The following ASTN1 variants were observed in gnomAD, a reference collection of about 807,000 sequenced individuals.
The protein encoded by ASTN1 is astrotactin-1.
A neutral mutation model predicts 140.7 loss-of-function variants in ASTN1; 41 were observed. The ratio of observed to expected loss-of-function variants is 0.29; its 90% CI spans 0.23 to 0.38. The LOEUF is 0.38. ASTN1 is among the 10% of genes least tolerant of loss of function. The pLI is 1.00. For missense variants in ASTN1, 1,479 were observed against 1,678.8 expected (o/e 0.88, Z 2.08); for synonymous variants, 640 against 652.2 (o/e 0.98, Z 0.29).
chr1:177,103,643 G>A (rs1160301516), intron 1 of ASTN1, among the ~76,000 whole-genome samples: 2 of 152,102 alleles, frequency 1.3e-5, no homozygotes, highest in Non-Finnish European at 2.9e-5. Flanking sequence ...ACATGACTGG[G>A]TGACTCTCTT....
At chr1:176,901,468 G>A (rs928553607) in intron 16 of ASTN1, among the ~76,000 whole-genome samples, 1 of 152,214 alleles carries the variant, frequency 6.6e-6, no homozygotes, top group Non-Finnish European at 1.5e-5. Context: ...GGGTACCAAA[G>A]AGCAGCTGGG....
chr1:176,993,273 C>T (rs1270926646), intron 8 of ASTN1, among the ~76,000 whole-genome samples: 2 of 152,148 alleles, frequency 1.3e-5, no homozygotes, highest in Admixed American at 6.6e-5. Context: ...AAGGTATAGT[C>T]CATGTCCTTA....
intron 1 of ASTN1, among the ~76,000 whole-genome samples, chr1:177,066,480 G>A (rs927549496): frequency 6.6e-6 from 1 of 152,130 alleles, no homozygotes; most frequent in Admixed American, 6.5e-5. Context: ...TGTGGATTGT[G>A]AGCTTGTAGC....
intron 5 of ASTN1, among the ~76,000 whole-genome samples, chr1:177,025,735 G>C (rs1676076257): frequency 6.6e-6 from 1 of 152,172 alleles, no homozygotes; most frequent in Non-Finnish European, 1.5e-5. Context: ...CTATGAGTCT[G>C]TATGGGAACC....
chr1:177,061,513 GA>G (rs1263602593), intron 1 of ASTN1, among the ~76,000 whole-genome samples: 2 of 151,956 alleles, frequency 1.3e-5, no homozygotes, highest in Non-Finnish European at 1.5e-5. Context: ...CTCACCCATC[GA>G]AAAAAATATC....
chr1:176,868,108 A>T (rs1668195133), intron 22 of ASTN1, among the ~76,000 whole-genome samples: 1 of 152,150 alleles, frequency 6.6e-6, no homozygotes, highest in Non-Finnish European at 1.5e-5. Flanking sequence ...AACATTCCAT[A>T]TGAAAATCCT....
chr1:177,034,750 A>C (rs929226990), intron 2 of ASTN1, among the ~76,000 whole-genome samples: 2 of 152,168 alleles, frequency 1.3e-5, no homozygotes, highest in African/African-American at 2.4e-5. Context: ...CTTCACCCCA[A>C]ATTGAAACTG....
At chr1:176,876,265 T>C (rs780977159) in intron 21 of ASTN1, among the ~76,000 whole-genome samples, 1 of 152,210 alleles carries the variant, frequency 6.6e-6, no homozygotes, top group Non-Finnish European at 1.5e-5. Context: ...GCACCTGGCA[T>C]ACAATCGTGT....
chr1:176,966,324 A>G (rs1409419046), intron 8 of ASTN1, among the ~76,000 whole-genome samples: 1 of 152,218 alleles, frequency 6.6e-6, no homozygotes, highest in Non-Finnish European at 1.5e-5. Context: ...AATGTATGGC[A>G]GTTGTTCTTC....
At position 176,884,438 on chromosome 1, in the gene ASTN1, A is replaced by C; in HGVS notation, c.3127T>G (p.Trp1043Gly). The C allele has an allele frequency of 6.2e-7, 1 of 1,613,900 alleles. No homozygotes were observed. Among genetic ancestry groups the C allele is most frequent in the Non-Finnish European group, 8.5e-7 (1 of 1,179,954 alleles). ...CCGATTGGTGGCTCTGAGTGTTCCC[A>C]CTCCAGGACCACAAGAGTGCTGCTG... ...EPSSTLVVLE[W>G]EHSEPPIGVQ... The change falls in exon 19 of 23, where the codon TGG becomes GGG. Residue 1043 changes from tryptophan to glycine, a missense_variant. Trp to Gly is a radical substitution (Grantham distance 184). Coordinates refer to ENST00000361833, the MANE Select transcript of ASTN1 (RefSeq NM_004319.3).
Position 177,149,146 on chromosome 1 carries a change from T to TATATATA in ASTN1, c.283+15247_283+15248insTATATAT, listed in dbSNP as rs768576957. On this transcript the variant is annotated intron_variant, in intron 1 of 22. Coordinates refer to ENST00000361833, the MANE Select transcript of ASTN1 (RefSeq NM_004319.3). ...AAATATATATAGTGCATATATATAG[T>TATATATA]GCATATATATAGTGTATATATAGTA... Among the ~76,000 whole-genome samples the TATATATA allele has an allele frequency of 7.4e-5, 8 of 108,512 alleles. 2 individuals carry two copies. Among genetic ancestry groups the TATATATA allele is most frequent in the African/African-American group, 4.0e-4 (8 of 20,212 alleles). The allele number at this position is 108,512 out of a possible 152,430, so 71.2% of individuals were successfully genotyped here.
chr1:176,875,345 T>C lies in ASTN1; in HGVS notation c.3463+1192A>G, dbSNP rs2103018533. On this transcript the variant is annotated intron_variant, in intron 21 of 22. Transcript: ENST00000361833. ...GGAGAAGTGGGCTGGGGCCACTCCA[T>C]TTAGGTCCTAATTTACCTGTTTAAT... Among the ~76,000 whole-genome samples the C allele has an allele frequency of 2.0e-5, 3 of 152,264 alleles. No homozygotes were observed. In the Middle Eastern group the frequency reaches 0.01, roughly 518 times the overall value.
At chr1:177,067,560 C>G (rs145496252) in intron 1 of ASTN1, among the ~76,000 whole-genome samples, 126 of 152,210 alleles carry the variant, frequency 8.3e-4, no homozygotes, top group African/African-American at 3.0e-3. Flanking sequence ...TCAGAATGGT[C>G]TTCTCACTGA....
intron 10 of ASTN1, among the ~76,000 whole-genome samples, chr1:176,958,106 T>G (rs575371529): frequency 6.6e-6 from 1 of 152,334 alleles, no homozygotes; most frequent in South Asian, 2.1e-4. Context: ...TTAGTGTATG[T>G]GAGAAGTGCT....
chr1:177,007,712 C>A lies in ASTN1; in HGVS notation c.1523+7079G>T, dbSNP rs534259301. ...GGCATGCACGAGTCACTCATTAGGG[C>A]ACATTTTGTTCTTTTATCATCCTGA... On this transcript the variant is annotated intron_variant, in intron 8 of 22. Transcript: ENST00000361833. Among the ~76,000 whole-genome samples, 3 of 152,266 alleles carry A rather than the reference C, an allele frequency of 2.0e-5. No individual in the cohort carries two copies. The South Asian group carries it at 6.2e-4, about 32-fold the overall frequency.
intron 8 of ASTN1, among the ~76,000 whole-genome samples, chr1:176,966,824 A>G (rs546271279): frequency 1.5e-4 from 23 of 152,024 alleles, no homozygotes; most frequent in Non-Finnish European, 2.9e-4. Flanking sequence ...AGATATAATT[A>G]TTAAATATTA....
chr1:177,011,562 T>TACAC (rs140111635), intron 8 of ASTN1, among the ~76,000 whole-genome samples: 8 of 148,012 alleles, frequency 5.4e-5, no homozygotes, highest in African/African-American at 1.5e-4. Context: ...GTCATGCACA[T>TACAC]ACACACACAC....
intron 1 of ASTN1, among the ~76,000 whole-genome samples, chr1:177,108,347 CAA>C (rs71129596): frequency 0.12 from 11,517 of 98,454 alleles, 364 homozygotes; most frequent in Middle Eastern, 0.23. Context: ...GACTCCGTCT[CAA>C]AAAAAAAAAA....
chr1:177,156,591 T>C (rs1683250457), intron 1 of ASTN1, among the ~76,000 whole-genome samples: 2 of 151,936 alleles, frequency 1.3e-5, no homozygotes, highest in Admixed American at 1.3e-4. Context: ...AGTAAACAAA[T>C]AAATGGAAGA....
Sources: gnomAD v4.1 joint callset for allele counts (sites outside exome capture counted in the v4.1 genomes callset) on GRCh38, gnomAD v4.1.1 for gene constraint, MANE v1.5 for transcripts, NCBI Gene and HGNC (gene_info 2026-07-23, HGNC 2026-07-21) for gene names.